Variants in MAST4 observed in about 807,000 individuals in gnomAD.
MAST4 encodes the protein microtubule associated serine/threonine kinase family member 4, also known as microtubule-associated serine/threonine-protein kinase 4.
MAST4 carries 89 observed loss-of-function variants against 162.7 expected under a neutral mutation model. The observed-to-expected ratio is 0.55, with a 90% CI of 0.46 to 0.65. MAST4 has a LOEUF of 0.65. Ranked by LOEUF, MAST4 falls within the 30% of genes least tolerant of loss-of-function variation. The probability of loss-of-function intolerance (pLI) is 0.00; values close to 1 mark genes in which losing one functional copy is unlikely to be tolerated. For missense variants in MAST4, 3,153 were observed against 3,374.0 expected (o/e 0.93, Z 1.62); for synonymous variants, 1,479 against 1,361.1 (o/e 1.09, Z -1.91).
intron 10 of MAST4, among the ~76,000 whole-genome samples, chr5:67,105,417 C>T (rs991795709): frequency 1.3e-5 from 2 of 152,188 alleles, no homozygotes; most frequent in African/African-American, 4.8e-5. Flanking sequence ...CTTGCCCCTG[C>T]AGAATTTAGC....
chr5:66,980,626 T>C (rs1002655458), intron 4 of MAST4, among the ~76,000 whole-genome samples: 1 of 152,204 alleles, frequency 6.6e-6, no homozygotes, highest in African/African-American at 2.4e-5. Flanking sequence ...AAACGAGTCC[T>C]TTTTAGTATG....
intron 4 of MAST4, chr5:67,004,853 CCATCACATT>C: frequency 1.6e-6 from 1 of 623,092 alleles, no homozygotes; most frequent in Non-Finnish European, 2.9e-6. Context: ...ATCACAGTTC[CCATCACATT>C]TTCTCTGGAG....
intron 1 of MAST4, among the ~76,000 whole-genome samples, chr5:66,620,366 TAC>T (rs1743997125): frequency 6.6e-6 from 1 of 152,208 alleles, no homozygotes; most frequent in Non-Finnish European, 1.5e-5. Context: ...AAAAGCTCAA[TAC>T]AGTTTTAAAT....
intron 16 of MAST4, among the ~76,000 whole-genome samples, chr5:67,132,358 A>G (rs973976250): frequency 2.6e-5 from 4 of 152,012 alleles, no homozygotes; most frequent in Admixed American, 2.6e-4. Context: ...TATATTAATA[A>G]CTTATCAGCA....
intron 3 of MAST4, among the ~76,000 whole-genome samples, chr5:66,883,932 C>T (rs1761874816): frequency 6.6e-6 from 1 of 152,140 alleles, no homozygotes; most frequent in Non-Finnish European, 1.5e-5. Context: ...TGCAATCTTG[C>T]AAGTGTACAA....
intron 1 of MAST4, among the ~76,000 whole-genome samples, chr5:66,673,094 C>T (rs1341383396): frequency 1.3e-5 from 2 of 152,098 alleles, no homozygotes; most frequent in African/African-American, 4.8e-5. Context: ...GTGTTTTTCT[C>T]TTCAGTACAT....
At chr5:67,054,703 T>A (rs1758593876) in intron 5 of MAST4, among the ~76,000 whole-genome samples, 2 of 152,238 alleles carry the variant, frequency 1.3e-5, no homozygotes, top group South Asian at 4.1e-4. Context: ...TTCCTTTTTA[T>A]ATGGGGTCTC....
At chr5:66,741,591 A>G (rs1580339734) in intron 1 of MAST4, among the ~76,000 whole-genome samples, 2 of 152,316 alleles carry the variant, frequency 1.3e-5, no homozygotes, top group South Asian at 4.2e-4. Flanking sequence ...CTGGAATGTC[A>G]ATAACAGTGA....
chr5:66,895,131 A>G (rs752447339), intron 3 of MAST4, among the ~76,000 whole-genome samples: 38 of 151,816 alleles, frequency 2.5e-4, no homozygotes, highest in African/African-American at 7.5e-4. Context: ...CAACCATCCT[A>G]TTGCCTTCAG....
At chr5:67,116,717 G>A (rs1766962004) in intron 12 of MAST4, among the ~76,000 whole-genome samples, 1 of 152,018 alleles carries the variant, frequency 6.6e-6, no homozygotes. Context: ...TTGGGAGGCT[G>A]AGGCAGGAGA....
chr5:66,794,452 C>T (rs984174783), intron 3 of MAST4, among the ~76,000 whole-genome samples: 1 of 152,174 alleles, frequency 6.6e-6, no homozygotes, highest in African/African-American at 2.4e-5. Flanking sequence ...ATGCTGTCAT[C>T]AATGTTCTTG....
chr5:67,152,234 C>A (rs1771921799), intron 24 of MAST4, among the ~76,000 whole-genome samples: 1 of 152,136 alleles, frequency 6.6e-6, no homozygotes, highest in South Asian at 2.1e-4. Flanking sequence ...CAGTCTTCTC[C>A]ACATGAAGAC....
At chr5:66,872,751 G>T (rs1194079095) in intron 3 of MAST4, among the ~76,000 whole-genome samples, 1 of 152,084 alleles carries the variant, frequency 6.6e-6, no homozygotes, top group Non-Finnish European at 1.5e-5. Context: ...GAGTACGGCG[G>T]GGCCTTCTTG....
At chr5:66,600,513 C>T (rs74712344) in intron 1 of MAST4, among the ~76,000 whole-genome samples, 23 of 152,296 alleles carry the variant, frequency 1.5e-4, no homozygotes, top group Middle Eastern at 3.4e-3. Flanking sequence ...TGTCTTTGTA[C>T]GCCTAGCATG....
chr5:66,963,483 A>T (rs1369776174), intron 4 of MAST4, among the ~76,000 whole-genome samples: 1 of 152,268 alleles, frequency 6.6e-6, no homozygotes, highest in Non-Finnish European at 1.5e-5. Context: ...GGCTCAAATA[A>T]AAATGGCAGC....
At chr5:66,740,307 A>G (rs1488885113) in intron 1 of MAST4, among the ~76,000 whole-genome samples, 2 of 152,214 alleles carry the variant, frequency 1.3e-5, no homozygotes, top group African/African-American at 4.8e-5. Flanking sequence ...GGCTCAGAAC[A>G]TTGGCTGATG....
At chr5:67,154,320 C>A (rs547388508) in intron 26 of MAST4, among the ~76,000 whole-genome samples, 1 of 152,050 alleles carries the variant, frequency 6.6e-6, no homozygotes, top group East Asian at 1.9e-4. Context: ...ACAGCTCCTG[C>A]GACAGCATAT....
chr5:66,803,976 T>A (rs963439784), intron 3 of MAST4, among the ~76,000 whole-genome samples: 3 of 152,006 alleles, frequency 2.0e-5, no homozygotes, highest in Admixed American at 2.0e-4. Context: ...AGGTGAAGAA[T>A]ACCCCTTTTC....
intron 4 of MAST4, among the ~76,000 whole-genome samples, chr5:67,013,345 C>T (rs1004210349): frequency 1.3e-5 from 2 of 152,008 alleles, no homozygotes; most frequent in Non-Finnish European, 2.9e-5. Flanking sequence ...AGTGAAAAAC[C>T]TAGGTGGAGG....
Sources: gnomAD v4.1 joint callset for allele counts (sites outside exome capture counted in the v4.1 genomes callset) on GRCh38, gnomAD v4.1.1 for gene constraint, MANE v1.5 for transcripts, NCBI Gene and HGNC (gene_info 2026-07-23, HGNC 2026-07-21) for gene names.